Variants in ZFHX3 observed in about 807,000 individuals in gnomAD.
ZFHX3 encodes the protein zinc finger homeobox protein 3.
In ZFHX3, 42 loss-of-function variants were observed where a neutral mutation model predicts 279.1. The observed-to-expected ratio is 0.15, with a 90% confidence interval of 0.12 to 0.19. The LOEUF is 0.19. Ranked by LOEUF, ZFHX3 falls within the 10% of genes least tolerant of loss-of-function variation. The pLI is 1.00. For missense variants in ZFHX3, 4,981 were observed against 4,754.0 expected, an observed-to-expected ratio of 1.05 and a Z score of -1.40; for synonymous variants, 2,293 against 1,957.8, an observed-to-expected ratio of 1.17 and a Z score of -4.52.
At chr16:73,858,235 A>T (rs2142387088) in intron 1 of ZFHX3, among the ~76,000 whole-genome samples, 1 of 152,328 alleles carries the variant, frequency 6.6e-6, no homozygotes, top group South Asian at 2.1e-4. Context: ...GTAGGTACAA[A>T]TCTAGTAAAC....
chr16:72,953,543 G>A (rs2144408862), intron 2 of ZFHX3, among the ~76,000 whole-genome samples: 1 of 152,272 alleles, frequency 6.6e-6, no homozygotes, highest in East Asian at 1.9e-4. Context: ...ATGCCTGAGT[G>A]AAAATGAGAA....
At position 72,794,015 on chromosome 16, in the gene ZFHX3, C is replaced by A. The variant is rs1231542747; in HGVS notation, c.8667G>T (p.Arg2889=). 6.2e-7 allele frequency: 1 copy of A among 1,614,194 alleles called. No individual in the cohort carries two copies. Residue 2889 remains arginine (R), a synonymous_variant, in exon 9 of 10, where the codon CGG becomes CGT. Coordinates refer to ENST00000268489, the MANE Select transcript of ZFHX3 (RefSeq NM_006885.4). This position sits in a 1 kb window ranked among gnomAD's most constrained non-coding sequence, Gnocchi z 4.2. ...CCGGGCTGACCAGACCAGATGACAA[C>A]CGATCTTCATACTCAGACATTGCCA... ...AMMAMSEYED[R]LSSGLVSPAP...
chr16:73,675,454 T>C (rs28742016), intron 2 of ZFHX3, among the ~76,000 whole-genome samples: 8,940 of 152,156 alleles, frequency 0.059, 880 homozygotes, highest in African/African-American at 0.2. Flanking sequence ...CATCTATCCA[T>C]TACAAATGGA....
intron 3 of ZFHX3, among the ~76,000 whole-genome samples, chr16:73,388,321 A>G (rs2016941960): frequency 6.6e-6 from 1 of 152,200 alleles, no homozygotes; most frequent in Non-Finnish European, 1.5e-5. Context: ...GGAATGGACA[A>G]TTGACAAAGA....
At chr16:73,688,722 T>C (rs1407339821) in intron 1 of ZFHX3, among the ~76,000 whole-genome samples, 4 of 152,188 alleles carry the variant, frequency 2.6e-5, no homozygotes, top group Non-Finnish European at 5.9e-5. Flanking sequence ...CCAAATCTCA[T>C]CTTGAATTGC....
intron 5 of ZFHX3, among the ~76,000 whole-genome samples, chr16:73,176,780 G>A (rs781778097): frequency 6.6e-6 from 1 of 151,932 alleles, no homozygotes; most frequent in Non-Finnish European, 1.5e-5. Flanking sequence ...TCTTCTTGAT[G>A]TGCTGGTCCA....
At chr16:72,992,135 C>G (rs1012066507) in intron 1 of ZFHX3, among the ~76,000 whole-genome samples, 4 of 152,230 alleles carry the variant, frequency 2.6e-5, no homozygotes, top group African/African-American at 9.6e-5. Flanking sequence ...CCCCAACCCA[C>G]AGGTCCTAGT....
intron 2 of ZFHX3, among the ~76,000 whole-genome samples, chr16:73,639,197 C>T (rs988534359): frequency 1.3e-5 from 2 of 152,080 alleles, no homozygotes; most frequent in South Asian, 4.1e-4. Context: ...AACCTTTATC[C>T]ACAGCTTAAT....
chr16:73,592,148 G>T (rs948601517), intron 2 of ZFHX3, among the ~76,000 whole-genome samples: 12 of 152,242 alleles, frequency 7.9e-5, no homozygotes, highest in African/African-American at 2.4e-4. Context: ...CAGGAGAACT[G>T]CTTGAACTCA....
chr16:73,263,377 G>A (rs62054685), intron 4 of ZFHX3, among the ~76,000 whole-genome samples: 43,052 of 151,942 alleles, frequency 0.28, 6,627 homozygotes, highest in Middle Eastern at 0.46. Context: ...TTTAAGAGAT[G>A]GGGGTCACAG....
intron 4 of ZFHX3, among the ~76,000 whole-genome samples, chr16:73,308,248 TATATATATATATATATATATATATATA>T (rs2015232465): frequency 3.4e-5 from 1 of 29,018 alleles, no homozygotes; most frequent in East Asian, 6.2e-4. Context: ...TATATATATA[TATATATATATATATATATATATATATA>T]TATTTATTTA....
At chr16:73,517,790 G>A (rs551922708) in intron 2 of ZFHX3, among the ~76,000 whole-genome samples, 37 of 152,258 alleles carry the variant, frequency 2.4e-4, no homozygotes, top group African/African-American at 8.2e-4. Context: ...CAGGTACAGC[G>A]ATGTACATCC....
chr16:73,335,950 C>G lies in ZFHX3; in HGVS notation c.-1290-17614G>C, dbSNP rs189502228. Among the ~76,000 whole-genome samples, 56 of 152,358 alleles carry G rather than the reference C, an allele frequency of 3.7e-4. No homozygotes were observed. In the East Asian group the frequency reaches 7.5e-3, roughly 20 times the overall value. On this transcript the variant is annotated intron_variant, in intron 3 of 17. Coordinates refer to the ZFHX3 transcript ENST00000641206. The stretch of plus-strand genomic sequence containing the variant: ...AATGTCTAGGCCACATTTCTACAAA[C>G]AGCACATCACAGATTCTTTTTCTTC...
Position 73,708,251 on chromosome 16 carries a change from A to G in ZFHX3, c.-1607-28011T>C, listed in dbSNP as rs112439672. ...CAATACTTTTTGATCTTTTAATCTT[A>G]CTAAATTGATGACAATCATCTATTT... is the stretch of plus-strand genomic sequence containing the variant. On this transcript the variant is annotated intron_variant, in intron 1 of 17. Coordinates refer to the ZFHX3 transcript ENST00000641206. Among the ~76,000 whole-genome samples, 1,021 of 152,278 alleles carry G rather than the reference A, an allele frequency of 6.7e-3. 12 individuals are homozygous for G. Among genetic ancestry groups the G allele is most frequent in the African/African-American group, 0.023 (952 of 41,546 alleles).
chr16:73,784,614 G>GC (rs1318288191), intron 1 of ZFHX3, among the ~76,000 whole-genome samples: 7 of 151,702 alleles, frequency 4.6e-5, no homozygotes, highest in African/African-American at 1.7e-4. Context: ...GGGGGTGGTG[G>GC]CACGTGCCTG....
At chr16:72,811,416 G>A (rs1376356214) in intron 7 of ZFHX3, among the ~76,000 whole-genome samples, 161 bp downstream of exon 7, 18 of 152,212 alleles carry the variant, frequency 1.2e-4, no homozygotes, top group East Asian at 1.9e-4. Flanking sequence ...CCAAGTCTAA[G>A]GCAGGGATAG....
chr16:72,963,606 T>A (rs1183022305), intron 1 of ZFHX3, among the ~76,000 whole-genome samples: 1 of 152,222 alleles, frequency 6.6e-6, no homozygotes, highest in Admixed American at 6.5e-5. Context: ...TCTTTGCAAA[T>A]GTCAATCTTT....
chr16:73,843,648 T>C (rs2142372408), intron 1 of ZFHX3, among the ~76,000 whole-genome samples: 1 of 152,370 alleles, frequency 6.6e-6, no homozygotes, highest in Non-Finnish European at 1.5e-5. Flanking sequence ...CCTCGTATCA[T>C]CTGCCTTCAA....
At chr16:73,759,016 T>C (rs2053837953) in intron 1 of ZFHX3, among the ~76,000 whole-genome samples, 1 of 152,230 alleles carries the variant, frequency 6.6e-6, no homozygotes, top group South Asian at 2.1e-4. Context: ...AAAGCCTCAC[T>C]GTTAACCACT....
Sources: gnomAD v4.1 joint callset for allele counts (sites outside exome capture counted in the v4.1 genomes callset) on GRCh38, gnomAD v4.1.1 for gene constraint, Gnocchi (gnomAD v3.1) non-coding constraint, MANE v1.5 for transcripts, NCBI Gene and HGNC (gene_info 2026-07-23, HGNC 2026-07-21) for gene names.